MYO18A: variants seen among roughly 807,000 people sequenced by gnomAD.
MYO18A encodes the protein unconventional myosin-XVIIIa.
A neutral mutation model predicts 235.8 loss-of-function variants in MYO18A; 78 were observed. That is an observed-to-expected ratio of 0.33 (90% CI 0.28 to 0.40). The LOEUF is 0.40. Among genes scored for constraint, MYO18A ranks in the 10% least tolerant of loss-of-function variants. The probability of loss-of-function intolerance (pLI) is 1.00; values close to 1 mark genes in which losing one functional copy is unlikely to be tolerated. For missense variants in MYO18A, 2,215 were observed against 2,699.3 expected (o/e 0.82, Z 3.98); for synonymous variants, 977 against 1,077.8 (o/e 0.91, Z 1.83).
chr17:29,165,993 G>A lies in MYO18A; in HGVS notation c.948C>T (p.Leu316=), dbSNP rs1288420169. 1 of 1,613,566 alleles carries A rather than the reference G, an allele frequency of 6.2e-7. No individual in the cohort carries two copies. The highest frequency in any genetic ancestry group is 1.7e-5 in the Admixed American group (1 of 60,030). The change falls in exon 2 of 42, where the codon CTC becomes CTT. Residue 316 remains leucine (L), a synonymous_variant. Coordinates refer to ENST00000527372, the MANE Select transcript of MYO18A (RefSeq NM_078471.4). ...CGCCGCTCCGCAGCCAGCTCCTGCT[G>A]AGCTCGCTGAGCTCTGGAATGGGCT... ...KVQPIPELSE[L]SRSWLRSGEG... is the part of the protein sequence containing the mutation.
At chr17:29,149,160 C>T (rs1294714488) in intron 2 of MYO18A, among the ~76,000 whole-genome samples, 2 of 152,240 alleles carry the variant, frequency 1.3e-5, no homozygotes, top group African/African-American at 4.8e-5. Flanking sequence ...GGGGCTGCGG[C>T]GGCAAGATGG....
At chr17:29,079,709 A>C (rs1355153960) in intron 41 of MYO18A, 1 of 985,822 alleles carries the variant, frequency 1.0e-6, no homozygotes, top group Non-Finnish European at 1.2e-6. Context: ...TGCTGAACCC[A>C]GGCCAGGTGC....
chr17:29,132,010 G>T (rs1397160344), intron 2 of MYO18A, among the ~76,000 whole-genome samples: 2 of 152,258 alleles, frequency 1.3e-5, no homozygotes, highest in Non-Finnish European at 2.9e-5. Flanking sequence ...GAGGCAGGGA[G>T]TGGGGCAGAG....
At position 29,156,658 on chromosome 17, in the gene MYO18A, A is replaced by G. The variant is rs185994510; in HGVS notation, c.999+9284T>C. ...AGTACAGAACCATCTCTTTCCTTCA[A>G]CAAATATCCCCTGCCCTCATGCAGT... is the stretch of plus-strand genomic sequence containing the variant. On this transcript the variant is annotated intron_variant, in intron 2 of 41. Coordinates refer to ENST00000527372, the MANE Select transcript of MYO18A (RefSeq NM_078471.4). 1.4e-3 allele frequency among the ~76,000 whole-genome samples: 216 copies of G among 152,362 alleles called. 3 individuals are homozygous for G. Among genetic ancestry groups the G allele is most frequent in the African/African-American group, 4.7e-3 (197 of 41,588 alleles).
At position 29,073,175 on chromosome 17, in the gene MYO18A, T is replaced by C. The variant is rs988593755; in HGVS notation, c.*1595A>G. On this transcript the variant is annotated 3_prime_UTR_variant, in exon 42 of 42. Transcript: ENST00000527372. ...AAGAGAATCTCTGTAATTGGTGAGA[T>C]TTAACAATCAGAGGGACCTCAACAT... is the stretch of plus-strand genomic sequence containing the variant. 5.9e-5 allele frequency: 9 copies of C among 151,898 alleles called. No homozygotes were observed. Among genetic ancestry groups the C allele is most frequent in the African/African-American group, 2.2e-4 (9 of 41,278 alleles). 9.4% of individuals were successfully genotyped at this position (151,898 alleles called of 1,614,324 possible).
intron 1 of MYO18A, among the ~76,000 whole-genome samples, chr17:29,168,359 AG>A (rs2068327592): frequency 6.6e-6 from 1 of 152,222 alleles, no homozygotes; most frequent in Admixed American, 6.5e-5. Flanking sequence ...AACTGGGGAC[AG>A]GACCAATAAA....
rs562184666 is a variant in MYO18A, at chr17:29,106,835, G to T, written c.3441+245C>A. Among the ~76,000 whole-genome samples, 1 of 152,144 alleles carries T rather than the reference G, an allele frequency of 6.6e-6. No homozygotes were observed. The highest frequency in any genetic ancestry group is 1.5e-5 in the Non-Finnish European group (1 of 68,008). On this transcript the variant is annotated intron_variant, in intron 20 of 41. Transcript: ENST00000527372. This position sits in a 1 kb window ranked among gnomAD's most constrained non-coding sequence, Gnocchi z 4.6. Reference sequence around the variant, plus strand: ...CCCTCAGTGCGCCCAGGCCCTGCTCGCTCCTGGATGATTGTCTGGCTCACC... The same window carrying T: ...CCCTCAGTGCGCCCAGGCCCTGCTCTCTCCTGGATGATTGTCTGGCTCACC...
chr17:29,127,894 T>A, intron 2 of MYO18A: 1 of 991,562 alleles, frequency 1.0e-6, no homozygotes, highest in Non-Finnish European at 1.2e-6. Flanking sequence ...ACTGCTGCTC[T>A]CCAGTGAGGT....
chr17:29,086,695 G>A, intron 38 of MYO18A, 118 bp from the exon 39 acceptor site: 2 of 1,367,972 alleles, frequency 1.5e-6, no homozygotes, highest in Non-Finnish European at 2.0e-6. Flanking sequence ...GCTGACACAG[G>A]CTGCCAGAGC....
rs564099758 is a variant in MYO18A at position 29,072,924 on chromosome 17, C to G, written c.*1846G>C. 6.6e-6 allele frequency: 1 copy of G among 152,188 alleles called. No homozygotes were observed. The highest frequency in any genetic ancestry group is 2.4e-5 in the African/African-American group (1 of 41,420). 9.4% of individuals were successfully genotyped at this position (152,188 alleles called of 1,614,324 possible). The stretch of plus-strand genomic sequence containing the variant: ...TGGAGTAGGGCATGAAGACAGGGAC[C>G]GAGCAGGGCAGAGACAGCACTCCCA... On this transcript the variant is annotated 3_prime_UTR_variant, in exon 42 of 42. Transcript: ENST00000527372.
intron 32 of MYO18A, 33 bp from the exon 33 acceptor site, chr17:29,093,034 T>C (rs2066435852): frequency 6.2e-7 from 1 of 1,604,736 alleles, no homozygotes; most frequent in African/African-American, 1.3e-5. Flanking sequence ...GGTTCTGGGC[T>C]CTGCACAGGG....
At chr17:29,089,045 C>CAAAAAA (rs34652243) in intron 37 of MYO18A, among the ~76,000 whole-genome samples, 9 of 103,454 alleles carry the variant, frequency 8.7e-5, no homozygotes, top group Admixed American at 4.3e-4. Flanking sequence ...GACCCTATCT[C>CAAAAAA]AAAAAAAAAA....
At position 29,105,687 on chromosome 17, in the gene MYO18A, G is replaced by C. The variant is rs553050191; in HGVS notation, c.3441+1393C>G. Among the ~76,000 whole-genome samples the C allele has an allele frequency of 2.0e-5, 3 of 152,304 alleles. No individual in the cohort carries two copies. The East Asian group carries it at 5.8e-4, about 29-fold the overall frequency. ...GCTGGGAAGGTGAGCCAGGAAGGTG[G>C]GGCGGGGAGGATTTGAGAAGAAAGA... On this transcript the variant is annotated intron_variant, in intron 20 of 41. Coordinates refer to ENST00000527372, the MANE Select transcript of MYO18A (RefSeq NM_078471.4).
rs998120757 is a variant in MYO18A, at chr17:29,180,059, T to C, written c.-82+254A>G. Among the ~76,000 whole-genome samples the C allele has an allele frequency of 2.0e-5, 3 of 150,828 alleles. No homozygotes were observed. Among genetic ancestry groups the C allele is most frequent in the Admixed American group, 2.0e-4 (3 of 15,188 alleles). ...GTCCTGCCTCCCTGCGCCCCCCAGG[T>C]TGGCTGGAAGGGCCGGTGGTTCCCC... On this transcript the variant is annotated intron_variant, in intron 1 of 41. Transcript: ENST00000527372. This position sits in a 1 kb window ranked among gnomAD's most constrained non-coding sequence, Gnocchi z 6.1.
chr17:29,166,134 C>T lies in MYO18A; in HGVS notation c.807G>A (p.Gly269=). 2.5e-6 allele frequency: 4 copies of T among 1,613,230 alleles called. No individual in the cohort carries two copies. The highest frequency in any genetic ancestry group is 3.4e-6 in the Non-Finnish European group (4 of 1,179,890). ...PGAGTKDLAL[G]LVPGDRLVEI... The stretch of plus-strand genomic sequence containing the variant: ...CCACCAGTCGATCTCCTGGCACCAG[C>T]CCCAGGGCCAGGTCCTTGGTGCCTG... Residue 269 remains glycine, a synonymous_variant, in exon 2 of 42, where the codon GGG becomes GGA. Coordinates refer to ENST00000527372, the MANE Select transcript of MYO18A (RefSeq NM_078471.4).
chr17:29,141,227 A>G (rs2067732613), intron 2 of MYO18A, among the ~76,000 whole-genome samples: 1 of 152,154 alleles, frequency 6.6e-6, no homozygotes, highest in African/African-American at 2.4e-5. Context: ...GCCTGTGAAA[A>G]GCCAGTGTTT....
intron 15 of MYO18A, among the ~76,000 whole-genome samples, chr17:29,112,189 G>C (rs2044653227): frequency 6.6e-6 from 1 of 152,216 alleles, no homozygotes; most frequent in African/African-American, 2.4e-5. Context: ...TCCCCTCGGA[G>C]GTCACCAGGG....
intron 2 of MYO18A, among the ~76,000 whole-genome samples, chr17:29,138,645 A>T (rs894489603): frequency 6.6e-6 from 1 of 152,164 alleles, no homozygotes; most frequent in African/African-American, 2.4e-5. Context: ...TCCTCACAAC[A>T]TCCCTCTGAA....
chr17:29,166,512 C>G lies in MYO18A; in HGVS notation c.429G>C (p.Gln143His). ...CTGAGGCGCTCTCATCCCGGCTACG[C>G]TGGGAGAAGGAAAAGCGCTTGACAA... is the stretch of plus-strand genomic sequence containing the variant. The part of the protein sequence containing the change: ...QMIVKRFSFS[Q>H]RSRDESASET... Residue 143 changes from glutamine to histidine, a missense_variant, in exon 2 of 42, where the codon CAG becomes CAC. Transcript: ENST00000527372. The G allele has an allele frequency of 6.2e-7, 1 of 1,613,712 alleles. No individual in the cohort carries two copies. Among genetic ancestry groups the G allele is most frequent in the Non-Finnish European group, 8.5e-7 (1 of 1,179,860 alleles).
Sources: gnomAD v4.1 joint callset for allele counts (sites outside exome capture counted in the v4.1 genomes callset) on GRCh38, gnomAD v4.1.1 for gene constraint, Gnocchi (gnomAD v3.1) non-coding constraint, MANE v1.5 for transcripts, NCBI Gene and HGNC (gene_info 2026-07-23, HGNC 2026-07-21) for gene names.